Variants in CAMTA1 observed in about 807,000 individuals in gnomAD.
CAMTA1 encodes calmodulin binding transcription activator 1.
A neutral mutation model predicts 170.9 loss-of-function variants in CAMTA1; 27 were observed. The observed-to-expected ratio is 0.16, with a 90% CI of 0.12 to 0.22. The LOEUF is 0.22. Among genes scored for constraint, CAMTA1 ranks in the 10% least tolerant of loss-of-function variants. The pLI is 1.00. For synonymous variants in CAMTA1, 833 were observed against 891.5 expected (o/e 0.93, Z 1.17); for missense variants, 1,619 against 2,217.2 (o/e 0.73, Z 5.42).
In CAMTA1 at chr1:7,635,288, G is replaced by A. The variant is rs1201778117; in HGVS notation, c.511-5112G>A. Among the ~76,000 whole-genome samples, 2 of 152,254 alleles carry A rather than the reference G, an allele frequency of 1.3e-5. No individual in the cohort carries two copies. The highest frequency in any genetic ancestry group is 4.8e-5 in the African/African-American group (2 of 41,548). On this transcript the variant is annotated intron_variant, in intron 6 of 22. Transcript: ENST00000303635. The surrounding 1 kb of genome is among the most constrained non-coding windows in gnomAD (Gnocchi z 4.4). Reference sequence around the variant, plus strand: ...TCAGGGCAGCCTGGGCAAGACAAAGGCAGCTTCACTCCACAACTGTCCAGA... The same window carrying A: ...TCAGGGCAGCCTGGGCAAGACAAAGACAGCTTCACTCCACAACTGTCCAGA...
At chr1:7,352,891 C>A (rs1365825849) in intron 5 of CAMTA1, among the ~76,000 whole-genome samples, 1 of 152,234 alleles carries the variant, frequency 6.6e-6, no homozygotes, top group Non-Finnish European at 1.5e-5. Context: ...CCGTGTGAGC[C>A]AGCCTCATCG....
At chr1:7,135,954 T>TA (rs1409931613) in intron 4 of CAMTA1, among the ~76,000 whole-genome samples, 9 of 152,316 alleles carry the variant, frequency 5.9e-5, no homozygotes, top group African/African-American at 2.2e-4. Flanking sequence ...CTATGGTACT[T>TA]ACCTGGCTAT....
At chr1:7,051,714 CCAGGACAGACT>C (rs1033835008) in intron 3 of CAMTA1, among the ~76,000 whole-genome samples, 2 of 152,132 alleles carry the variant, frequency 1.3e-5, no homozygotes, top group African/African-American at 4.8e-5. Flanking sequence ...TCCCTGTTTG[CCAGGACAGACT>C]CAGGACCAGC....
chr1:7,540,680 C>T (rs984651419), intron 6 of CAMTA1, among the ~76,000 whole-genome samples: 2 of 152,126 alleles, frequency 1.3e-5, no homozygotes, highest in African/African-American at 4.8e-5. Flanking sequence ...GGCCTAATTG[C>T]TGGCCCTTCC....
intron 4 of CAMTA1, among the ~76,000 whole-genome samples, chr1:7,196,199 GCTCT>G (rs140611245): frequency 6.7e-6 from 1 of 149,198 alleles, no homozygotes; most frequent in Middle Eastern, 3.4e-3. Context: ...TTCCCCCTTA[GCTCT>G]CTCTCTCTCT....
At chr1:7,653,399 A>T (rs1376748383) in intron 7 of CAMTA1, among the ~76,000 whole-genome samples, 1 of 152,000 alleles carries the variant, frequency 6.6e-6, no homozygotes, top group East Asian at 1.9e-4. Context: ...TGTAGCTGGG[A>T]TTACAGGTGC....
intron 4 of CAMTA1, among the ~76,000 whole-genome samples, chr1:7,208,913 C>T (rs1434794018): frequency 6.6e-6 from 1 of 152,152 alleles, no homozygotes; most frequent in African/African-American, 2.4e-5. Flanking sequence ...CTATGTGCTA[C>T]AGTGACCATT....
chr1:7,427,075 C>T (rs921253541), intron 5 of CAMTA1, among the ~76,000 whole-genome samples: 8 of 152,144 alleles, frequency 5.3e-5, no homozygotes, highest in Non-Finnish European at 1.0e-4. Context: ...AGGTGGCATC[C>T]ATCCTCAAGG....
At chr1:6,938,294 C>G (rs911128469) in intron 3 of CAMTA1, among the ~76,000 whole-genome samples, 1 of 152,172 alleles carries the variant, frequency 6.6e-6, no homozygotes, top group Non-Finnish European at 1.5e-5. Flanking sequence ...GAGGTACCCC[C>G]CTCAGCTCTG....
intron 7 of CAMTA1, among the ~76,000 whole-genome samples, chr1:7,651,265 G>A (rs928158767): frequency 6.6e-6 from 1 of 152,168 alleles, no homozygotes; most frequent in Admixed American, 6.5e-5. Context: ...GAGGAGGACA[G>A]GGCCCCCCAC....
Position 7,732,559 on chromosome 1 carries a change from G to C in CAMTA1, c.3026G>C (p.Gly1009Ala). 6.2e-7 allele frequency: 1 copy of C among 1,612,968 alleles called. No individual in the cohort carries two copies. Among genetic ancestry groups the C allele is most frequent in the Non-Finnish European group, 8.5e-7 (1 of 1,179,824 alleles). The change falls in exon 12 of 23, where the codon GGA (glycine) becomes GCA (alanine). Residue 1009 changes from glycine to alanine, a missense_variant. Around this residue, in one of 8 missense-constraint regions of CAMTA1, gnomAD observed 143 missense variants for 184.2 expected, o/e 0.78. Coordinates refer to ENST00000303635, the MANE Select transcript of CAMTA1 (RefSeq NM_015215.4). The surrounding 1 kb of genome is among the most constrained non-coding windows in gnomAD (Gnocchi z 4.1). ...HKQASGGGSS[G>A]GGSGSGNGGS... Reference sequence around the variant, plus strand: ...CAGGCGAGCGGAGGCGGCAGCAGTGGAGGCGGCAGCGGGAGCGGGAATGGA... The same window carrying C: ...CAGGCGAGCGGAGGCGGCAGCAGTGCAGGCGGCAGCGGGAGCGGGAATGGA...
At position 7,183,505 on chromosome 1, in the gene CAMTA1, C is replaced by T. The variant is rs1430880027; in HGVS notation, c.303-65986C>T. 2.6e-5 allele frequency among the ~76,000 whole-genome samples: 4 copies of T among 152,316 alleles called. No individual in the cohort carries two copies. The East Asian group carries it at 7.7e-4, about 29-fold the overall frequency. On this transcript the variant is annotated intron_variant, in intron 4 of 22. Transcript: ENST00000303635. Reference sequence around the variant, plus strand: ...CCTCAAAAGTATGAACATCCCCACCCACAAGGTTATCCACTGCAGCATTAC... The same window carrying T: ...CCTCAAAAGTATGAACATCCCCACCTACAAGGTTATCCACTGCAGCATTAC...
At chr1:7,500,549 C>A (rs888166538) in intron 6 of CAMTA1, among the ~76,000 whole-genome samples, 3 of 152,160 alleles carry the variant, frequency 2.0e-5, no homozygotes, top group African/African-American at 7.2e-5. Context: ...TCTGTGCACG[C>A]TGGTCTTGAG....
intron 5 of CAMTA1, among the ~76,000 whole-genome samples, chr1:7,323,700 T>C (rs903758321): frequency 4.6e-5 from 7 of 152,164 alleles, no homozygotes; most frequent in Admixed American, 4.6e-4. Flanking sequence ...ACTAAAACAC[T>C]AGAACGACCT....
rs184423088 is a variant in CAMTA1 at position 7,092,848 on chromosome 1, C to A, written c.302+1477C>A. ...CCCTCTGCCTGGGAAGTTGGCGTCT[C>A]CCAGAGGAGGGCAGAGGCTTACAAG... On this transcript the variant is annotated intron_variant, in intron 4 of 22. Coordinates refer to ENST00000303635, the MANE Select transcript of CAMTA1 (RefSeq NM_015215.4). The surrounding 1 kb of genome is among the most constrained non-coding windows in gnomAD (Gnocchi z 5.0). Among the ~76,000 whole-genome samples the A allele has an allele frequency of 6.6e-6, 1 of 152,278 alleles. No homozygotes were observed. The highest frequency in any genetic ancestry group is 2.4e-5 in the African/African-American group (1 of 41,552).
Position 7,680,929 on chromosome 1 carries a change from C to T in CAMTA1, c.2914+3196C>T, listed in dbSNP as rs938608889. On this transcript the variant is annotated intron_variant, in intron 11 of 22. Transcript: ENST00000303635. This position sits in a 1 kb window ranked among gnomAD's most constrained non-coding sequence, Gnocchi z 4.4. Reference sequence around the variant, plus strand: ...CCCCGCGGCGCAGCCTTTGTCCCCGCGGCGTAGCTTTTGTTTGCGCAGCCC... The same window carrying T: ...CCCCGCGGCGCAGCCTTTGTCCCCGTGGCGTAGCTTTTGTTTGCGCAGCCC... Among the ~76,000 whole-genome samples, 2 of 148,378 alleles carry T rather than the reference C, an allele frequency of 1.3e-5. No individual in the cohort carries two copies. Among genetic ancestry groups the T allele is most frequent in the Non-Finnish European group, 3.0e-5 (2 of 66,232 alleles).
At chr1:6,870,184 A>G (rs1237103738) in intron 3 of CAMTA1, among the ~76,000 whole-genome samples, 4 of 152,304 alleles carry the variant, frequency 2.6e-5, no homozygotes, top group Middle Eastern at 3.4e-3. Context: ...TAATGATGCT[A>G]CTAAAACAAC....
At chr1:6,952,224 A>G (rs906355415) in intron 3 of CAMTA1, among the ~76,000 whole-genome samples, 1 of 151,412 alleles carries the variant, frequency 6.6e-6, no homozygotes. Context: ...AGGTCAGGAG[A>G]TCGAGACCAT....
intron 4 of CAMTA1, among the ~76,000 whole-genome samples, chr1:7,245,204 T>C (rs1451341239): frequency 6.7e-6 from 1 of 149,914 alleles, no homozygotes; most frequent in Non-Finnish European, 1.5e-5. Flanking sequence ...TGTGTGTGTA[T>C]ATATATATAT....
Sources: gnomAD v4.1 joint callset for allele counts (sites outside exome capture counted in the v4.1 genomes callset) on GRCh38, gnomAD v4.1.1 for gene constraint, gnomAD v4.1.1 regional missense constraint, Gnocchi (gnomAD v3.1) non-coding constraint, MANE v1.5 for transcripts, NCBI Gene and HGNC (gene_info 2026-07-23, HGNC 2026-07-21) for gene names.